The following FAF1 variants were observed in gnomAD, a reference collection of about 807,000 sequenced individuals.
The protein encoded by FAF1 is Fas associated factor 1, also known as FAS-associated factor 1.
In FAF1, 25 loss-of-function variants were observed where a neutral mutation model predicts 92.5. The observed-to-expected ratio is 0.27, with a 90% CI of 0.20 to 0.38. FAF1 has a LOEUF of 0.38. FAF1 is among the 10% of genes least tolerant of loss of function. The pLI is 1.00. For synonymous variants in FAF1, 234 were observed against 273.2 expected, an observed-to-expected ratio of 0.86 and a Z score of 1.42; for missense variants, 636 against 793.3, an observed-to-expected ratio of 0.80 and a Z score of 2.38.
chr1:50,640,962 T>A (rs1311654861), intron 8 of FAF1, among the ~76,000 whole-genome samples: 4 of 151,030 alleles, frequency 2.6e-5, no homozygotes, highest in Non-Finnish European at 5.9e-5. Context: ...GCCTCCTGAG[T>A]AGCTGGGACT....
At chr1:50,632,312 A>G (rs1378152967) in intron 8 of FAF1, among the ~76,000 whole-genome samples, 1 of 152,224 alleles carries the variant, frequency 6.6e-6, no homozygotes, top group Non-Finnish European at 1.5e-5. Context: ...AATAAGACTG[A>G]AAGGTTAGAA....
intron 7 of FAF1, among the ~76,000 whole-genome samples, chr1:50,682,789 ATT>A (rs1163595649): frequency 6.6e-6 from 1 of 152,130 alleles, no homozygotes; most frequent in Non-Finnish European, 1.5e-5. Context: ...GTCTTTTAAT[ATT>A]TAGTGTTAAG....
chr1:50,564,603 A>C (rs1650088320), intron 13 of FAF1, among the ~76,000 whole-genome samples: 1 of 152,128 alleles, frequency 6.6e-6, no homozygotes, highest in African/African-American at 2.4e-5. Context: ...TGTTACTCAA[A>C]GTTAAAAGCA....
intron 18 of FAF1, among the ~76,000 whole-genome samples, chr1:50,461,287 T>C (rs556203164): frequency 8.5e-5 from 13 of 152,312 alleles, no homozygotes; most frequent in Non-Finnish European, 1.6e-4. Flanking sequence ...GTATTTTTCA[T>C]GTTGTATCTA....
At chr1:50,545,772 TAAAC>T (rs1473824498) in intron 13 of FAF1, among the ~76,000 whole-genome samples, 9 of 152,242 alleles carry the variant, frequency 5.9e-5, no homozygotes, top group Non-Finnish European at 1.0e-4. Context: ...CACATACTCT[TAAAC>T]AAGCATTTAG....
rs1333514757 is a variant in FAF1 at position 50,953,436 on chromosome 1, G to T, written c.45+6331C>A. ...ATAAATAAATAAATTTTTAAAAAAA[G>T]AAAAAAAAGAAAATTTGGCCAGACG... On this transcript the variant is annotated intron_variant, in intron 1 of 18. Transcript: ENST00000396153. Among the ~76,000 whole-genome samples, 3 of 150,538 alleles carry T rather than the reference G, an allele frequency of 2.0e-5. 1 individual carries two copies. The highest frequency in any genetic ancestry group is 3.9e-4 in the East Asian group (2 of 5,164).
chr1:50,880,586 A>G (rs1183462272), intron 1 of FAF1, among the ~76,000 whole-genome samples: 1 of 152,244 alleles, frequency 6.6e-6, no homozygotes, highest in African/African-American at 2.4e-5. Context: ...GGACACAGTG[A>G]GAAGGCAGCC....
chr1:50,590,052 A>T (rs1378533171), intron 9 of FAF1, among the ~76,000 whole-genome samples: 2 of 152,170 alleles, frequency 1.3e-5, no homozygotes, highest in Non-Finnish European at 2.9e-5. Context: ...CTAGCACTGT[A>T]CTGTTGAGAT....
intron 18 of FAF1, among the ~76,000 whole-genome samples, chr1:50,455,645 A>C (rs1456308768): frequency 6.6e-6 from 1 of 152,196 alleles, no homozygotes; most frequent in Non-Finnish European, 1.5e-5. Flanking sequence ...AAGAAAATTA[A>C]GAAAACACTT....
chr1:50,767,681 T>C (rs1660627497), intron 4 of FAF1, among the ~76,000 whole-genome samples: 1 of 152,136 alleles, frequency 6.6e-6, no homozygotes, highest in African/African-American at 2.4e-5. Context: ...GAAAAGAAAT[T>C]CTAATCAAGA....
At chr1:50,717,096 G>A (rs1381036498) in intron 6 of FAF1, among the ~76,000 whole-genome samples, 2 of 152,082 alleles carry the variant, frequency 1.3e-5, no homozygotes, top group Admixed American at 6.5e-5. Context: ...CACTCACCGC[G>A]AAGGTCCGCG....
chr1:50,937,414 G>C (rs957089283), intron 1 of FAF1, among the ~76,000 whole-genome samples: 1 of 151,974 alleles, frequency 6.6e-6, no homozygotes. Flanking sequence ...GTGGGGTGGG[G>C]CGGGGCGCAG....
intron 2 of FAF1, among the ~76,000 whole-genome samples, chr1:50,804,592 C>A (rs910769098): frequency 1.3e-5 from 2 of 151,996 alleles, no homozygotes; most frequent in African/African-American, 2.4e-5. Context: ...AACAGTTTAA[C>A]AATAACTAAA....
chr1:50,463,964 A>G (rs987693635), intron 18 of FAF1, among the ~76,000 whole-genome samples: 1 of 152,200 alleles, frequency 6.6e-6, no homozygotes, highest in African/African-American at 2.4e-5. Flanking sequence ...ATGTTGAGAG[A>G]AGACAGAATA....
intron 2 of FAF1, among the ~76,000 whole-genome samples, chr1:50,803,202 T>C (rs937119576): frequency 4.7e-4 from 71 of 152,142 alleles, no homozygotes; most frequent in African/African-American, 1.7e-3. Context: ...TGTACATGTA[T>C]CTCCTTTACT....
chr1:50,762,557 T>C (rs1222265379), intron 4 of FAF1, among the ~76,000 whole-genome samples: 2 of 152,096 alleles, frequency 1.3e-5, no homozygotes, highest in African/African-American at 4.8e-5. Flanking sequence ...CTATCTGATC[T>C]TTGACAAACC....
intron 13 of FAF1, among the ~76,000 whole-genome samples, chr1:50,558,063 T>C (rs1320176791): frequency 6.6e-6 from 1 of 152,042 alleles, no homozygotes. Flanking sequence ...CATGCCAGGC[T>C]AGTTTTTGTA....
chr1:50,950,793 C>T (rs1645208136), intron 1 of FAF1, among the ~76,000 whole-genome samples: 1 of 152,232 alleles, frequency 6.6e-6, no homozygotes, highest in Non-Finnish European at 1.5e-5. Flanking sequence ...AGATCTACTA[C>T]ATGACAGCCA....
chr1:50,567,949 GA>G (rs1650246800), intron 12 of FAF1, among the ~76,000 whole-genome samples: 1 of 151,976 alleles, frequency 6.6e-6, no homozygotes, highest in Non-Finnish European at 1.5e-5. Flanking sequence ...TTCAATAAAT[GA>G]CACTTGGTCT....
Sources: allele counts gnomAD v4.1 joint callset (sites outside exome capture counted in the v4.1 genomes callset), GRCh38; gene constraint gnomAD v4.1.1; transcripts MANE v1.5; gene names NCBI Gene and HGNC (gene_info 2026-07-23, HGNC 2026-07-21).